The following SRPK2 variants were observed in gnomAD, a reference collection of about 807,000 sequenced individuals.
SRPK2 encodes the protein SFRS protein kinase 2.
Under a neutral mutation model 90.8 loss-of-function variants are expected in SRPK2, and 21 were observed. The ratio of observed to expected loss-of-function variants is 0.23; its 90% CI spans 0.16 to 0.33. SRPK2 has a LOEUF of 0.33. Among genes scored for constraint, SRPK2 ranks in the 10% least tolerant of loss-of-function variants. The pLI is 1.00. For missense variants in SRPK2, 620 were observed against 869.0 expected (o/e 0.71, Z 3.60); for synonymous variants, 288 against 311.1 (o/e 0.93, Z 0.78).
chr7:105,286,741 T>G (rs1046756700), intron 2 of SRPK2, among the ~76,000 whole-genome samples: 4 of 152,200 alleles, frequency 2.6e-5, no homozygotes, highest in Admixed American at 6.5e-5. Flanking sequence ...TTACAAACAA[T>G]TAGTCAATCA....
chr7:105,195,777 AT>A (rs1794840062), intron 3 of SRPK2, among the ~76,000 whole-genome samples: 1 of 152,116 alleles, frequency 6.6e-6, no homozygotes, highest in Non-Finnish European at 1.5e-5. Flanking sequence ...TTTCTCACTT[AT>A]TATTAACGAA....
chr7:105,244,620 C>G, intron 2 of SRPK2: 1 of 680,960 alleles, frequency 1.5e-6, no homozygotes, highest in Non-Finnish European at 2.6e-6. Flanking sequence ...CCAGCCCCAG[C>G]GCGCCAGGGC....
intron 2 of SRPK2, among the ~76,000 whole-genome samples, chr7:105,260,533 G>A (rs1804067996): frequency 6.6e-6 from 1 of 152,136 alleles, no homozygotes; most frequent in African/African-American, 2.4e-5. Flanking sequence ...CCATTACTGG[G>A]TACATACCCA....
rs781382801 is a variant in SRPK2 at position 105,142,042 on chromosome 7, C to A, written c.1509G>T (p.Thr503=). The change falls in exon 11 of 16, where the codon ACG becomes ACT. Residue 503 remains threonine, a synonymous_variant. Transcript: ENST00000393651. The part of the protein sequence containing the change: ...ESSPSHDRSR[T]VSASSTGDLP... ...AATCCCCAGTACTGGAGGCTGAAAC[C>A]GTTCTGCTTCTGTCATGGGATGGAC... is the stretch of plus-strand genomic sequence containing the variant. 1.9e-6 allele frequency: 3 copies of A among 1,613,464 alleles called. No individual in the cohort carries two copies. Among genetic ancestry groups the A allele is most frequent in the Non-Finnish European group, 2.5e-6 (3 of 1,179,684 alleles).
chr7:105,290,141 G>A (rs923384770), intron 2 of SRPK2, among the ~76,000 whole-genome samples: 1 of 146,268 alleles, frequency 6.8e-6, no homozygotes, highest in African/African-American at 2.6e-5. Flanking sequence ...GATATACAAT[G>A]AAAACTTCTG....
intron 2 of SRPK2, among the ~76,000 whole-genome samples, chr7:105,233,143 GGAAGGA>G: frequency 1.4e-5 from 2 of 144,164 alleles, no homozygotes; most frequent in African/African-American, 2.6e-5. Flanking sequence ...AAGGAAGGAA[GGAAGGA>G]AGGGGAAAGG....
At chr7:105,270,123 A>G (rs1805629999) in intron 2 of SRPK2, among the ~76,000 whole-genome samples, 1 of 152,248 alleles carries the variant, frequency 6.6e-6, no homozygotes, top group Admixed American at 6.5e-5. Context: ...CGTTGTTAAA[A>G]TAAGGATTTT....
At chr7:105,220,657 T>A (rs1256095887) in intron 2 of SRPK2, among the ~76,000 whole-genome samples, 2 of 152,230 alleles carry the variant, frequency 1.3e-5, no homozygotes, top group Non-Finnish European at 2.9e-5. Flanking sequence ...TATTAGTATA[T>A]GAAACAAACC....
chr7:105,155,858 C>T (rs1406917002), intron 7 of SRPK2, among the ~76,000 whole-genome samples: 2 of 152,290 alleles, frequency 1.3e-5, no homozygotes, highest in African/African-American at 2.4e-5. Context: ...AAGATGATTA[C>T]CAGTGAGTAC....
At chr7:105,165,717 G>A (rs1278236922) in intron 6 of SRPK2, among the ~76,000 whole-genome samples, 9 of 152,158 alleles carry the variant, frequency 5.9e-5, no homozygotes, top group African/African-American at 1.7e-4. Flanking sequence ...TTTCTCCAAC[G>A]TGGGCACGGA....
At chr7:105,305,206 G>A (rs542150018) in intron 2 of SRPK2, among the ~76,000 whole-genome samples, 1 of 152,164 alleles carries the variant, frequency 6.6e-6, no homozygotes, top group Admixed American at 6.5e-5. Context: ...TTGGGAGACT[G>A]AGGCAGGCAG....
intron 2 of SRPK2, among the ~76,000 whole-genome samples, chr7:105,366,836 G>C (rs921929164): frequency 1.3e-5 from 2 of 152,088 alleles, no homozygotes; most frequent in Non-Finnish European, 2.9e-5. Flanking sequence ...CATGTATGCT[G>C]AATTCATTTA....
At chr7:105,275,804 A>C (rs537102681) in intron 2 of SRPK2, among the ~76,000 whole-genome samples, 1 of 152,306 alleles carries the variant, frequency 6.6e-6, no homozygotes, top group Admixed American at 6.5e-5. Flanking sequence ...CCTAGGAGTG[A>C]GGGGAACATA....
chr7:105,135,666 A>T (rs1247779357), intron 11 of SRPK2, among the ~76,000 whole-genome samples: 1 of 152,178 alleles, frequency 6.6e-6, no homozygotes, highest in Non-Finnish European at 1.5e-5. Context: ...CCACTCTGAG[A>T]TGTTGTTTTT....
chr7:105,308,659 G>A (rs1027003639), intron 2 of SRPK2, among the ~76,000 whole-genome samples: 3 of 152,246 alleles, frequency 2.0e-5, no homozygotes, highest in African/African-American at 7.2e-5. Flanking sequence ...GTATCACAAG[G>A]TGGAAAGTGG....
intron 2 of SRPK2, among the ~76,000 whole-genome samples, chr7:105,217,591 G>C (rs1797622925): frequency 6.6e-6 from 1 of 152,184 alleles, no homozygotes; most frequent in Admixed American, 6.5e-5. Context: ...GATACTCTCA[G>C]AACTGATTTT....
At chr7:105,257,704 A>T (rs1803525800) in intron 2 of SRPK2, among the ~76,000 whole-genome samples, 1 of 152,056 alleles carries the variant, frequency 6.6e-6, no homozygotes, top group Non-Finnish European at 1.5e-5. Flanking sequence ...TTTTTTTTTA[A>T]GGCAAACAAT....
chr7:105,214,324 TTTTAAATACCTTAC>T, intron 2 of SRPK2, among the ~76,000 whole-genome samples: 1 of 152,360 alleles, frequency 6.6e-6, no homozygotes, highest in East Asian at 1.9e-4. Flanking sequence ...ATACAGCTTA[TTTTAAATACCTTAC>T]TGTAAGTTTT....
chr7:105,160,468 T>C (rs1807448777), intron 7 of SRPK2, 39 bp downstream of exon 7: 1 of 1,205,976 alleles, frequency 8.3e-7, no homozygotes, highest in Non-Finnish European at 1.2e-6. Context: ...CCTAACCAAT[T>C]AGGTACTAGG....
Sources: gnomAD v4.1 joint callset for allele counts (sites outside exome capture counted in the v4.1 genomes callset) on GRCh38, gnomAD v4.1.1 for gene constraint, MANE v1.5 for transcripts, NCBI Gene and HGNC (gene_info 2026-07-23, HGNC 2026-07-21) for gene names.